M1AP: variants seen among roughly 807,000 people sequenced by gnomAD.
The protein encoded by M1AP is meiosis 1 arrest protein.
M1AP carries 39 observed loss-of-function variants against 51.2 expected under a neutral mutation model. The ratio of observed to expected loss-of-function variants is 0.76; its 90% CI spans 0.59 to 1.00. M1AP has a LOEUF of 1.00. M1AP is among the 50% of genes least tolerant of loss of function. M1AP has a pLI of 0.00. For missense variants in M1AP, 545 were observed against 641.2 expected (o/e 0.85, Z 1.62); for synonymous variants, 251 against 249.2 (o/e 1.01, Z -0.07).
At chr2:74,561,913 G>A (rs1272315875) in intron 8 of M1AP, 6 of 985,192 alleles carry the variant, frequency 6.1e-6, no homozygotes, top group East Asian at 2.3e-4. Context: ...TGCATGTCGT[G>A]TGTCCTCCAG....
chr2:74,598,304 C>A (rs1430076116), intron 4 of M1AP, among the ~76,000 whole-genome samples: 3 of 152,088 alleles, frequency 2.0e-5, no homozygotes, highest in African/African-American at 7.2e-5. Context: ...ATGGCTCGAG[C>A]CTGGGAGGCG....
At chr2:74,574,547 T>C (rs1678938395) in intron 7 of M1AP, among the ~76,000 whole-genome samples, 1 of 152,242 alleles carries the variant, frequency 6.6e-6, no homozygotes, top group African/African-American at 2.4e-5. Context: ...CTAGCTCATT[T>C]TCATGTTTCC....
At chr2:74,562,567 T>C in intron 7 of M1AP, 144 bp from the exon 8 acceptor site, 1 of 741,042 alleles carries the variant, frequency 1.3e-6, no homozygotes, top group Non-Finnish European at 2.2e-6. Flanking sequence ...GGGAGGGACT[T>C]CCTGCATGAA....
At chr2:74,639,353 C>T (rs1683163598) in intron 2 of M1AP, among the ~76,000 whole-genome samples, 2 of 152,148 alleles carry the variant, frequency 1.3e-5, no homozygotes, top group African/African-American at 4.8e-5. Context: ...GCAAGGCTAC[C>T]TCAAGGAAGG....
chr2:74,588,817 CAGAG>C (rs928812512), intron 4 of M1AP, among the ~76,000 whole-genome samples: 2 of 152,286 alleles, frequency 1.3e-5, no homozygotes, highest in East Asian at 1.9e-4. Flanking sequence ...GAACTCTTCT[CAGAG>C]AGAGAGAACT....
intron 7 of M1AP, among the ~76,000 whole-genome samples, chr2:74,567,457 T>C (rs1302794898): frequency 1.3e-5 from 2 of 152,210 alleles, no homozygotes; most frequent in Non-Finnish European, 2.9e-5. Flanking sequence ...GGTGTAGAGT[T>C]TGGGGCCTGA....
At chr2:74,647,378 G>A in intron 1 of M1AP, 1 of 985,210 alleles carries the variant, frequency 1.0e-6, no homozygotes, top group Non-Finnish European at 1.2e-6. Context: ...TCACTTTGTC[G>A]CGTGATAAAC....
At chr2:74,636,608 T>G (rs1404490049) in intron 2 of M1AP, among the ~76,000 whole-genome samples, 1 of 152,106 alleles carries the variant, frequency 6.6e-6, no homozygotes, top group African/African-American at 2.4e-5. Context: ...TGTTTCTGAG[T>G]GTATTTCTTT....
chr2:74,592,878 A>C (rs1290259084), intron 4 of M1AP, among the ~76,000 whole-genome samples: 1 of 152,194 alleles, frequency 6.6e-6, no homozygotes, highest in Non-Finnish European at 1.5e-5. Context: ...TCTTTGCCTT[A>C]GTGATTTGAG....
At chr2:74,588,361 A>C (rs1679841168) in intron 4 of M1AP, among the ~76,000 whole-genome samples, 1 of 152,190 alleles carries the variant, frequency 6.6e-6, no homozygotes, top group South Asian at 2.1e-4. Context: ...CTATAGAGTC[A>C]CAGTATCTTA....
chr2:74,634,135 T>A (rs549336756), intron 2 of M1AP, among the ~76,000 whole-genome samples: 1 of 152,216 alleles, frequency 6.6e-6, no homozygotes, highest in Non-Finnish European at 1.5e-5. Context: ...ACACTTAGCA[T>A]GATGCCATGT....
chr2:74,572,664 C>T (rs187588102), intron 7 of M1AP, among the ~76,000 whole-genome samples: 2 of 152,168 alleles, frequency 1.3e-5, no homozygotes, highest in Admixed American at 1.3e-4. Context: ...AGGTAACTTA[C>T]TTGGTCTTTT....
chr2:74,644,854 GAC>G (rs1432178847), intron 1 of M1AP, among the ~76,000 whole-genome samples: 3 of 152,138 alleles, frequency 2.0e-5, no homozygotes, highest in Non-Finnish European at 2.9e-5. Context: ...ACTTGAAGCT[GAC>G]ACAGAGAAAT....
rs375562857 is a variant in M1AP at position 74,615,100 on chromosome 2, C to A, written c.290G>T (p.Arg97Leu). ...GAAACACCCTTCTCTCTGTAACATG[C>A]GGAGTTCTGAGATGCAGGTCTGCAA... ...ARLQTCISEL[R>L]MLQREGCFRS... The change falls in exon 3 of 11, where the codon CGC (arginine) becomes CTC (leucine). Residue 97 changes from arginine to leucine, a missense_variant. Coordinates refer to ENST00000421985, the MANE Select transcript of M1AP (RefSeq NM_001321739.2). 3.1e-6 allele frequency: 5 copies of A among 1,614,146 alleles called. No homozygotes were observed. In the Admixed American group the frequency reaches 5.0e-5, roughly 16 times the overall value.
chr2:74,637,943 C>T (rs889979668), intron 2 of M1AP, among the ~76,000 whole-genome samples: 19 of 152,186 alleles, frequency 1.2e-4, no homozygotes, highest in African/African-American at 4.6e-4. Flanking sequence ...CTTGGTCTCT[C>T]TGAAGTCCCA....
At chr2:74,638,503 G>C (rs1007505843) in intron 2 of M1AP, among the ~76,000 whole-genome samples, 2 of 152,158 alleles carry the variant, frequency 1.3e-5, no homozygotes, top group African/African-American at 2.4e-5. Flanking sequence ...TGAACAGAAT[G>C]TGGAGGAAGT....
chr2:74,590,790 C>T (rs1012929921), intron 4 of M1AP, among the ~76,000 whole-genome samples: 8 of 152,180 alleles, frequency 5.3e-5, no homozygotes, highest in South Asian at 2.1e-4. Flanking sequence ...ATTGCAGGTA[C>T]GGGAGAGAAG....
chr2:74,646,468 T>C (rs931369648), intron 1 of M1AP, among the ~76,000 whole-genome samples: 8 of 152,130 alleles, frequency 5.3e-5, no homozygotes, highest in Admixed American at 2.0e-4. Flanking sequence ...GTCATTGTGA[T>C]GAAAAGGATG....
chr2:74,631,201 G>A (rs896769431), intron 2 of M1AP, among the ~76,000 whole-genome samples: 110 of 151,890 alleles, frequency 7.2e-4, no homozygotes, highest in African/African-American at 2.6e-3. Context: ...ATTATTTTAT[G>A]GTATACTCTT....
Sources: gnomAD v4.1 joint callset for allele counts (sites outside exome capture counted in the v4.1 genomes callset) on GRCh38, gnomAD v4.1.1 for gene constraint, MANE v1.5 for transcripts, NCBI Gene and HGNC (gene_info 2026-07-23, HGNC 2026-07-21) for gene names.